Variants in ME3 observed in about 807,000 individuals in gnomAD.
The protein encoded by ME3 is NADP-dependent malic enzyme, mitochondrial.
In ME3, 48 loss-of-function variants were observed where a neutral mutation model predicts 68.9. The ratio of observed to expected loss-of-function variants is 0.70; its 90% CI spans 0.55 to 0.89. The LOEUF is 0.89. ME3 is among the 40% of genes least tolerant of loss of function. The pLI, the probability that ME3 is intolerant of heterozygous loss-of-function variation, is 0.00. For synonymous variants in ME3, 320 were observed against 318.8 expected (o/e 1.00, Z -0.04); for missense variants, 675 against 797.4 (o/e 0.85, Z 1.85).
intron 7 of ME3, among the ~76,000 whole-genome samples, chr11:86,467,313 T>C (rs1198561544): frequency 6.6e-6 from 1 of 152,196 alleles, no homozygotes; most frequent in Admixed American, 6.5e-5. Context: ...TTCACAGTCA[T>C]AGAACAAATG....
chr11:86,543,799 G>A (rs1956195481), intron 4 of ME3, among the ~76,000 whole-genome samples: 1 of 152,200 alleles, frequency 6.6e-6, no homozygotes, highest in African/African-American at 2.4e-5. Context: ...TCTGGACCAA[G>A]TGGAGCTAAT....
chr11:86,526,046 A>G (rs12222272), intron 4 of ME3, among the ~76,000 whole-genome samples: 32,824 of 152,182 alleles, frequency 0.22, 4,382 homozygotes, highest in Non-Finnish European at 0.31. Flanking sequence ...CAGCGCACCG[A>G]GCATGAGCCG....
At chr11:86,438,761 T>G (rs1248030138), downstream of ME3, among the ~76,000 whole-genome samples, 2 of 152,180 alleles carry the variant, frequency 1.3e-5, no homozygotes, top group Non-Finnish European at 2.9e-5. Context: ...ACTTTTTTTC[T>G]TTCCTTTCTC....
chr11:86,616,468 A>AT (rs1034594622), intron 2 of ME3, among the ~76,000 whole-genome samples: 115 of 152,140 alleles, frequency 7.6e-4, no homozygotes, highest in African/African-American at 2.5e-3. Flanking sequence ...TAAATGAACT[A>AT]TTTTTTTTCC....
chr11:86,502,308 A>T lies in ME3; in HGVS notation c.544-4184T>A, dbSNP rs994261810. Among the ~76,000 whole-genome samples, 6 of 152,112 alleles carry T rather than the reference A, an allele frequency of 3.9e-5. 1 individual carries two copies. The highest frequency in any genetic ancestry group is 3.9e-4 in the Admixed American group (6 of 15,258). ...TCTGAATTCCCATAGCATTTTCCTC[A>T]CCTACTAAACCTATCACTCCCTTCC... On this transcript the variant is annotated intron_variant, in intron 5 of 14. Transcript: ENST00000543262.
exon 6 of ME3, chr11:86,498,008 C>G: frequency 3.7e-6 from 6 of 1,612,130 alleles, no homozygotes; most frequent in Non-Finnish European, 3.4e-6. Flanking sequence ...GGCACTGCTG[C>G]GGGTTCACCC....
intron 2 of ME3, 79 bp downstream of exon 2, chr11:86,671,683 C>T (rs749366707): frequency 2.6e-6 from 4 of 1,545,942 alleles, no homozygotes; most frequent in Non-Finnish European, 2.6e-6. Flanking sequence ...AGGATCCTTT[C>T]TGGGTCCAGG....
intron 2 of ME3, among the ~76,000 whole-genome samples, chr11:86,590,747 G>A (rs1036797013): frequency 2.0e-5 from 3 of 152,162 alleles, no homozygotes; most frequent in Admixed American, 2.0e-4. Flanking sequence ...GCCACTGAAG[G>A]TTTTAAAGCA....
chr11:86,642,613 G>A (rs1944739352), intron 2 of ME3, among the ~76,000 whole-genome samples: 1 of 152,146 alleles, frequency 6.6e-6, no homozygotes, highest in Non-Finnish European at 1.5e-5. Flanking sequence ...AAGTGGGAAT[G>A]GATCCCTTAA....
intron 7 of ME3, among the ~76,000 whole-genome samples, chr11:86,485,954 C>T (rs999926100): frequency 6.6e-6 from 1 of 152,322 alleles, no homozygotes; most frequent in South Asian, 2.1e-4. Context: ...GATCCAGCTT[C>T]CCAGTCTGGA....
At chr11:86,593,123 T>C (rs1303212259) in intron 2 of ME3, among the ~76,000 whole-genome samples, 2 of 152,202 alleles carry the variant, frequency 1.3e-5, no homozygotes, top group Non-Finnish European at 2.9e-5. Flanking sequence ...ATGACTCATT[T>C]CTGTATGCCA....
chr11:86,602,209 T>C (rs183838303), intron 2 of ME3, among the ~76,000 whole-genome samples: 48,207 of 140,860 alleles, frequency 0.34, 9,122 homozygotes, highest in East Asian at 0.51. Context: ...AAAACCCCAT[T>C]GTCTCAGCCC....
chr11:86,526,078 C>T (rs1256239145), intron 4 of ME3, among the ~76,000 whole-genome samples: 2 of 152,230 alleles, frequency 1.3e-5, no homozygotes, highest in Non-Finnish European at 2.9e-5. Flanking sequence ...GGCATTGCCT[C>T]ACCCAGGAAG....
At chr11:86,524,934 G>C (rs569587941) in intron 4 of ME3, among the ~76,000 whole-genome samples, 9 of 152,256 alleles carry the variant, frequency 5.9e-5, no homozygotes, top group East Asian at 3.9e-4. Context: ...CAAATCCCTC[G>C]AAAGGAAGGA....
chr11:86,496,425 GA>G (rs1555213670), intron 6 of ME3, among the ~76,000 whole-genome samples: 1 of 151,936 alleles, frequency 6.6e-6, no homozygotes, highest in Non-Finnish European at 1.5e-5. Context: ...GAAAAGAAAA[GA>G]AAAGAAAAGA....
At chr11:86,450,208 T>G (rs951369110) in intron 9 of ME3, 93 bp downstream of exon 9, 29 of 1,263,750 alleles carry the variant, frequency 2.3e-5, no homozygotes, top group Non-Finnish European at 3.3e-5. Flanking sequence ...CTTCCTCTTT[T>G]CAGAACCCCA....
At chr11:86,478,370 C>G (rs912667947) in intron 7 of ME3, among the ~76,000 whole-genome samples, 1 of 147,238 alleles carries the variant, frequency 6.8e-6, no homozygotes, top group African/African-American at 2.5e-5. Flanking sequence ...AAGCAATAGG[C>G]CATTTTAGCA....
intron 6 of ME3, among the ~76,000 whole-genome samples, chr11:86,495,789 G>A (rs927533065): frequency 5.9e-5 from 9 of 152,282 alleles, no homozygotes; most frequent in Admixed American, 3.9e-4. Flanking sequence ...GGTGGTTTTA[G>A]AGGTTGAAGG....
At chr11:86,481,208 A>AT (rs71040240) in intron 7 of ME3, among the ~76,000 whole-genome samples, 184 of 105,866 alleles carry the variant, frequency 1.7e-3, no homozygotes, top group South Asian at 0.012. Flanking sequence ...CACCCAGCTG[A>AT]TTTTTTTTTT....
Sources: allele counts gnomAD v4.1 joint callset (sites outside exome capture counted in the v4.1 genomes callset), GRCh38; gene constraint gnomAD v4.1.1; transcripts MANE v1.5; gene names NCBI Gene and HGNC (gene_info 2026-07-23, HGNC 2026-07-21).